The following ZFAT variants were observed in gnomAD, a reference collection of about 807,000 sequenced individuals.
ZFAT encodes zinc finger protein ZFAT.
Under a neutral mutation model 117.7 loss-of-function variants are expected in ZFAT, and 64 were observed. The ratio of observed to expected loss-of-function variants is 0.54; its 90% CI spans 0.44 to 0.67. The LOEUF is 0.67. ZFAT is among the 30% of genes least tolerant of loss of function. The pLI is 0.00. For missense variants in ZFAT, 1,433 were observed against 1,584.5 expected, an observed-to-expected ratio of 0.90 and a Z score of 1.62; for synonymous variants, 679 against 615.0, an observed-to-expected ratio of 1.10 and a Z score of -1.54.
At chr8:134,739,855 C>A in the ZFAT span, among the ~76,000 whole-genome samples, 4 of 152,188 alleles carry the variant, frequency 2.6e-5, no homozygotes, top group Admixed American at 2.6e-4. Context: ...CTTTCTCTGG[C>A]CACTGGAGAC....
chr8:134,685,489 C>T (rs563486871), intron 1 of ZFAT, among the ~76,000 whole-genome samples: 12 of 152,284 alleles, frequency 7.9e-5, no homozygotes, highest in African/African-American at 2.9e-4. Context: ...GGGGACTCTG[C>T]TGTGTTTGTT....
chr8:134,622,832 C>T (rs1039025406), intron 3 of ZFAT, among the ~76,000 whole-genome samples: 4 of 152,100 alleles, frequency 2.6e-5, no homozygotes, highest in Admixed American at 1.3e-4. Flanking sequence ...CTGACCTCAT[C>T]CTCTACCAAA....
intron 11 of ZFAT, among the ~76,000 whole-genome samples, chr8:134,553,838 A>T (rs2130713717): frequency 6.6e-6 from 1 of 152,310 alleles, no homozygotes; most frequent in African/African-American, 2.4e-5. Flanking sequence ...TGCTTGCCCA[A>T]GGCCACCCAG....
the ZFAT span, among the ~76,000 whole-genome samples, chr8:134,720,529 C>G: frequency 6.6e-6 from 1 of 152,144 alleles, no homozygotes; most frequent in East Asian, 1.9e-4. Flanking sequence ...GAAACTTGGC[C>G]GAGATCTGAA....
At chr8:134,612,313 G>T (rs1828398811) in intron 3 of ZFAT, among the ~76,000 whole-genome samples, 2 of 152,236 alleles carry the variant, frequency 1.3e-5, no homozygotes, top group South Asian at 4.1e-4. Flanking sequence ...TCGGAACCAT[G>T]CAGTAATATG....
At chr8:134,544,099 A>G (rs757941632) in intron 11 of ZFAT, among the ~76,000 whole-genome samples, 5 of 152,024 alleles carry the variant, frequency 3.3e-5, no homozygotes, top group African/African-American at 7.3e-5. Context: ...TCACCCTGAA[A>G]TTTTCCCTAA....
the ZFAT span, among the ~76,000 whole-genome samples, chr8:134,769,981 G>A: frequency 6.6e-6 from 1 of 152,168 alleles, no homozygotes; most frequent in African/African-American, 2.4e-5. Context: ...AAGCCCCTGG[G>A]TGGCACACAG....
At chr8:134,591,454 C>T (rs989250990) in intron 7 of ZFAT, among the ~76,000 whole-genome samples, 12 of 152,198 alleles carry the variant, frequency 7.9e-5, no homozygotes. Context: ...TTTTGCTCAC[C>T]TCCCTTTGCT....
the ZFAT span, among the ~76,000 whole-genome samples, chr8:134,755,216 C>A: frequency 7.2e-6 from 1 of 138,880 alleles, no homozygotes; most frequent in African/African-American, 2.7e-5. Context: ...CCAGCCTGGG[C>A]AACATGGTGA....
intron 1 of ZFAT, among the ~76,000 whole-genome samples, chr8:134,690,900 T>G (rs1480265992): frequency 6.6e-6 from 1 of 152,020 alleles, no homozygotes; most frequent in Non-Finnish European, 1.5e-5. Context: ...CCATGCTAGG[T>G]GCAATCAGAA....
chr8:134,549,443 A>G (rs923558515), intron 11 of ZFAT, among the ~76,000 whole-genome samples: 4 of 22,452 alleles, frequency 1.8e-4, no homozygotes, highest in African/African-American at 4.7e-4. Flanking sequence ...TCCGTCTCAG[A>G]AAAAAAAAAA....
At chr8:134,823,893 CATA>C in the ZFAT span, among the ~76,000 whole-genome samples, 1 of 152,144 alleles carries the variant, frequency 6.6e-6, no homozygotes, top group Non-Finnish European at 1.5e-5. Flanking sequence ...ATATATTTAG[CATA>C]ATGTCGGACA....
intron 4 of ZFAT, among the ~76,000 whole-genome samples, chr8:134,609,434 C>G (rs947351936): frequency 1.3e-5 from 2 of 152,110 alleles, no homozygotes; most frequent in Admixed American, 1.3e-4. Flanking sequence ...CAGAATAATA[C>G]TATTCTGAAG....
intron 11 of ZFAT, among the ~76,000 whole-genome samples, chr8:134,534,895 G>A (rs1563819152): frequency 6.6e-6 from 1 of 152,132 alleles, no homozygotes; most frequent in Non-Finnish European, 1.5e-5. Context: ...ACCGCCTGCT[G>A]CAAGAGCAGT....
chr8:134,772,996 G>T, the ZFAT span, among the ~76,000 whole-genome samples: 2 of 151,728 alleles, frequency 1.3e-5, no homozygotes, highest in Admixed American at 1.3e-4. Flanking sequence ...GAGGGCCGAG[G>T]TGTGGGAGGA....
chr8:134,574,383 C>T (rs993017751), intron 10 of ZFAT, among the ~76,000 whole-genome samples: 35 of 151,982 alleles, frequency 2.3e-4, no homozygotes, highest in African/African-American at 7.7e-4. Flanking sequence ...TCTATGAAGC[C>T]CCAGCCTGGC....
Position 134,512,952 on chromosome 8 carries a change from C to T in ZFAT, c.3235-351G>A, listed in dbSNP as rs909069876. Among the ~76,000 whole-genome samples, 3 of 152,234 alleles carry T rather than the reference C, an allele frequency of 2.0e-5. No individual in the cohort carries two copies. In the South Asian group the frequency reaches 6.2e-4, roughly 32 times the overall value. On this transcript the variant is annotated intron_variant, in intron 13 of 15. Coordinates refer to ENST00000377838, the MANE Select transcript of ZFAT (RefSeq NM_020863.4). ...GCTCCTCTGTTTCCTCCCACTGCTA[C>T]CAACATCACTTCTAATCTGTGCCTT...
chr8:134,814,779 T>C, the ZFAT span, among the ~76,000 whole-genome samples: 103 of 152,308 alleles, frequency 6.8e-4, no homozygotes, highest in African/African-American at 2.5e-3. Flanking sequence ...GAGCAACTGT[T>C]TGACACATCC....
At chr8:134,617,966 A>G (rs947589988) in intron 3 of ZFAT, among the ~76,000 whole-genome samples, 11 of 152,168 alleles carry the variant, frequency 7.2e-5, no homozygotes, top group Non-Finnish European at 2.9e-5. Flanking sequence ...TATTCTCATG[A>G]TAGTGAATAA....
Sources: gnomAD v4.1 joint callset for allele counts (sites outside exome capture counted in the v4.1 genomes callset) on GRCh38, gnomAD v4.1.1 for gene constraint, MANE v1.5 for transcripts, NCBI Gene and HGNC (gene_info 2026-07-23, HGNC 2026-07-21) for gene names.